KLRG1: variants seen among roughly 807,000 people sequenced by gnomAD.
The protein encoded by KLRG1 is killer cell lectin-like receptor subfamily G member 1.
A neutral mutation model predicts 21.8 loss-of-function variants in KLRG1; 16 were observed. The ratio of observed to expected loss-of-function variants is 0.73; its 90% CI spans 0.50 to 1.11. The LOEUF is 1.11. KLRG1 is among the 50% of genes most tolerant of loss of function. KLRG1 has a pLI of 0.00. For missense variants in KLRG1, 173 were observed against 218.3 expected (o/e 0.79, Z 1.31); for synonymous variants, 69 against 75.9 (o/e 0.91, Z 0.47).
At chr12:9,120,873 G>A in the KLRG1 span, among the ~76,000 whole-genome samples, 1 of 151,084 alleles carries the variant, frequency 6.6e-6, no homozygotes, top group Admixed American at 6.6e-5. Flanking sequence ...GTGTGTGTGT[G>A]TGTGTGTGTG....
chr12:9,091,367 C>T, the KLRG1 span: 1 of 1,614,126 alleles, frequency 6.2e-7, no homozygotes, highest in Non-Finnish European at 8.5e-7. Context: ...GCAGAAGGCC[C>T]CTGCCTTCCA....
chr12:9,166,260 C>T, the KLRG1 span: 6 of 1,558,946 alleles, frequency 3.8e-6, no homozygotes, highest in Admixed American at 3.9e-5. Flanking sequence ...TCATGGTGCA[C>T]ATGTGAGACG....
the KLRG1 span, among the ~76,000 whole-genome samples, chr12:9,060,311 C>T: frequency 2.0e-5 from 3 of 150,806 alleles, no homozygotes; most frequent in East Asian, 2.0e-4. Flanking sequence ...CGTGAGCCAT[C>T]GCACCCGGCC....
intron 1 of KLRG1, among the ~76,000 whole-genome samples, chr12:8,950,829 A>G (rs958524226): frequency 6.6e-5 from 10 of 152,130 alleles, no homozygotes; most frequent in African/African-American, 2.4e-4. Context: ...TTTACAGATG[A>G]GTAAATTAAA....
At chr12:9,185,777 G>A in the KLRG1 span, among the ~76,000 whole-genome samples, 1 of 71,632 alleles carries the variant, frequency 1.4e-5, no homozygotes, top group Non-Finnish European at 3.0e-5. Context: ...GAGATTTGGG[G>A]CCTATGTTCA....
chr12:9,163,663 G>A, the KLRG1 span: 4 of 1,612,496 alleles, frequency 2.5e-6, no homozygotes, highest in South Asian at 1.1e-5. Context: ...CCAAAAATAT[G>A]TTACCTCCAC....
chr12:9,016,676 G>A, the KLRG1 span, among the ~76,000 whole-genome samples: 8 of 152,072 alleles, frequency 5.3e-5, no homozygotes, highest in African/African-American at 4.8e-5. Context: ...GCAGTGGCAC[G>A]ATCTCGGCCC....
At chr12:8,994,393 G>C (rs1947068141) in intron 2 of KLRG1, among the ~76,000 whole-genome samples, 1 of 152,138 alleles carries the variant, frequency 6.6e-6, no homozygotes, top group African/African-American at 2.4e-5. Flanking sequence ...ACAGAACTAT[G>C]AACCAACCAT....
At chr12:9,012,522 G>A (rs1425261342), downstream of KLRG1, among the ~76,000 whole-genome samples, 1 of 151,994 alleles carries the variant, frequency 6.6e-6, no homozygotes, top group African/African-American at 2.4e-5. Context: ...CCAGTGCCAT[G>A]CGGCTTCCAG....
At chr12:9,160,379 T>G in the KLRG1 span, 1 of 1,614,180 alleles carries the variant, frequency 6.2e-7, no homozygotes, top group Non-Finnish European at 8.5e-7. Context: ...TTCATTCAGA[T>G]AGTTCAAGAC....
At chr12:9,089,188 G>T in the KLRG1 span, 1 of 1,567,294 alleles carries the variant, frequency 6.4e-7, no homozygotes, top group Non-Finnish European at 8.7e-7. Flanking sequence ...AATTATGATG[G>T]TTGACTCTTA....
At chr12:9,064,490 C>T in the KLRG1 span, 1 of 154,826 alleles carries the variant, frequency 6.5e-6, no homozygotes, top group Admixed American at 6.5e-5. The surrounding 1 kb of genome is among the most constrained non-coding windows in gnomAD (Gnocchi z 4.0). Context: ...CGACGTGCTC[C>T]CCGGCCAGGA....
At chr12:9,011,594 T>A (rs1947633050), downstream of KLRG1, among the ~76,000 whole-genome samples, 1 of 152,112 alleles carries the variant, frequency 6.6e-6, no homozygotes, top group Non-Finnish European at 1.5e-5. Flanking sequence ...CTCCACTGAT[T>A]TTTCCCCCGC....
At chr12:9,152,709 T>C in the KLRG1 span, 1 of 1,086,872 alleles carries the variant, frequency 9.2e-7, no homozygotes, top group Non-Finnish European at 1.3e-6. Flanking sequence ...TTTATAGATA[T>C]ATCAATTCTA....
At chr12:9,145,901 A>G in the KLRG1 span, among the ~76,000 whole-genome samples, 122 of 152,350 alleles carry the variant, frequency 8.0e-4, 1 homozygote, top group Non-Finnish European at 1.1e-3. Context: ...CTGAAAAACC[A>G]GCTGATCATC....
At chr12:9,068,623 CA>C in the KLRG1 span, 1 of 848,460 alleles carries the variant, frequency 1.2e-6, no homozygotes, top group Non-Finnish European at 1.9e-6. Context: ...TTGATGGAGA[CA>C]AAATGAAGTG....
At position 8,972,018 on chromosome 12, in the gene KLRG1, C is replaced by G. The variant is rs561700530; in HGVS notation, c.-155-20188C>G. 9.4e-4 allele frequency among the ~76,000 whole-genome samples: 143 copies of G among 152,152 alleles called. 1 individual carries two copies. The highest frequency in any genetic ancestry group is 3.4e-3 in the Middle Eastern group (1 of 292). On this transcript the variant is annotated intron_variant, in intron 1 of 4. Transcript: ENST00000539240. ...GAAGCTTTTTAGTTTAATGAAATAC[C>G]ATTTGTCTATTTTTACTTTTGTTGT... is the stretch of plus-strand genomic sequence containing the variant.
At chr12:9,005,792 T>C (rs530229130) in intron 3 of KLRG1, among the ~76,000 whole-genome samples, 5 of 152,312 alleles carry the variant, frequency 3.3e-5, no homozygotes, top group African/African-American at 1.2e-4. Context: ...TTAGTTAGAT[T>C]TTCTTAAGGA....
At chr12:9,206,803 G>A in the KLRG1 span, among the ~76,000 whole-genome samples, 1 of 152,216 alleles carries the variant, frequency 6.6e-6, no homozygotes, top group East Asian at 1.9e-4. Context: ...AACGTAAAAG[G>A]ATGGTTTCAA....
Sources: gnomAD v4.1 joint callset for allele counts (sites outside exome capture counted in the v4.1 genomes callset) on GRCh38, gnomAD v4.1.1 for gene constraint, Gnocchi (gnomAD v3.1) non-coding constraint, MANE v1.5 for transcripts, NCBI Gene and HGNC (gene_info 2026-07-23, HGNC 2026-07-21) for gene names.